SLC5A12: variants seen among roughly 807,000 people sequenced by gnomAD.
SLC5A12 encodes the protein sodium-coupled monocarboxylate transporter 2.
In SLC5A12, 46 loss-of-function variants were observed where a neutral mutation model predicts 72.7. The ratio of observed to expected loss-of-function variants is 0.63; its 90% CI spans 0.50 to 0.81. The LOEUF is 0.81. Ranked by LOEUF, SLC5A12 falls within the 30% of genes least tolerant of loss-of-function variation. SLC5A12 has a pLI of 0.00. For synonymous variants in SLC5A12, 275 were observed against 264.4 expected (o/e 1.04, Z -0.39); for missense variants, 683 against 740.7 (o/e 0.92, Z 0.90).
rs1468888162 is a variant in SLC5A12 at position 26,683,620 on chromosome 11, C to T, written c.1308+137G>A. 5 of 630,542 alleles carry T rather than the reference C, an allele frequency of 7.9e-6. No individual in the cohort carries two copies. The African/African-American group carries it at 9.2e-5, about 12-fold the overall frequency. 39.1% of individuals were successfully genotyped at this position (630,542 alleles called of 1,614,324 possible). On this transcript the variant is annotated intron_variant, in intron 11 of 14. Coordinates refer to ENST00000396005, the MANE Select transcript of SLC5A12 (RefSeq NM_178498.4). ...CACTGAAGTCAGAGACAGGTAGACT[C>T]AAGCTCTGTTTAATTCTGCTGTGGA...
At chr11:26,678,193 AT>A (rs1854308156) in intron 13 of SLC5A12, among the ~76,000 whole-genome samples, 1 of 152,182 alleles carries the variant, frequency 6.6e-6, no homozygotes. Flanking sequence ...TAAGATGGTG[AT>A]GACAAAAATC....
intron 3 of SLC5A12, among the ~76,000 whole-genome samples, chr11:26,710,660 T>TA (rs1257874211): frequency 6.6e-6 from 1 of 152,040 alleles, no homozygotes; most frequent in Non-Finnish European, 1.5e-5. Flanking sequence ...TTATATATCA[T>TA]AAAATCAGAT....
intron 11 of SLC5A12, 119 bp from the exon 12 acceptor site, chr11:26,681,340 A>G (rs1010229331): frequency 3.5e-5 from 28 of 803,232 alleles, no homozygotes; most frequent in Non-Finnish European, 4.7e-5. Context: ...TCTTGGCCAC[A>G]TATTTCAGAA....
At chr11:26,686,735 G>A (rs1007602677) in intron 9 of SLC5A12, among the ~76,000 whole-genome samples, 191 bp from the exon 10 acceptor site, 1 of 152,128 alleles carries the variant, frequency 6.6e-6, no homozygotes, top group East Asian at 1.9e-4. Context: ...CCAAGGAAAA[G>A]TTTCAATGAC....
In SLC5A12 at chr11:26,688,384, C is replaced by G. The variant is rs373914362; in HGVS notation, c.1154-1840G>C. Reference sequence around the variant, plus strand: ...TATCTGCCAGAAATCGGGAATTATACTGGCAGCAGTGCCCATCTACTTGCT... The same window carrying G: ...TATCTGCCAGAAATCGGGAATTATAGTGGCAGCAGTGCCCATCTACTTGCT... On this transcript the variant is annotated intron_variant, in intron 9 of 14. Coordinates refer to ENST00000396005, the MANE Select transcript of SLC5A12 (RefSeq NM_178498.4). 3.3e-4 allele frequency among the ~76,000 whole-genome samples: 51 copies of G among 152,318 alleles called. No homozygotes were observed. In the East Asian group the frequency reaches 8.5e-3, roughly 25 times the overall value.
intron 12 of SLC5A12, 55 bp from the exon 13 acceptor site, chr11:26,678,870 T>G: frequency 8.5e-7 from 1 of 1,170,784 alleles, no homozygotes; most frequent in Non-Finnish European, 1.2e-6. Context: ...CCCACAGTGA[T>G]GTAGAGGACT....
At chr11:26,701,142 A>ACC (rs11412555) in intron 6 of SLC5A12, among the ~76,000 whole-genome samples, 90 of 151,710 alleles carry the variant, frequency 5.9e-4, no homozygotes, top group African/African-American at 2.1e-3. Flanking sequence ...GACAGATGGG[A>ACC]CCCCCCTCAC....
intron 13 of SLC5A12, among the ~76,000 whole-genome samples, chr11:26,677,471 T>C (rs1174410534): frequency 4.6e-5 from 7 of 152,180 alleles, no homozygotes; most frequent in African/African-American, 1.2e-4. Context: ...ATCTTGGTTG[T>C]CTTCTTAGTG....
At chr11:26,709,649 T>C (rs1307966735) in intron 3 of SLC5A12, among the ~76,000 whole-genome samples, 1 of 152,104 alleles carries the variant, frequency 6.6e-6, no homozygotes, top group African/African-American at 2.4e-5. Context: ...TTGATCCAAA[T>C]GTTTTGTTTT....
At chr11:26,679,809 T>C (rs775798798) in intron 12 of SLC5A12, among the ~76,000 whole-genome samples, 5 of 152,144 alleles carry the variant, frequency 3.3e-5, no homozygotes, top group Admixed American at 6.6e-5. Flanking sequence ...TTTTATTCCA[T>C]AAGCACATGA....
At chr11:26,705,925 TACACACACACACACAC>T (rs71047876) in intron 4 of SLC5A12, among the ~76,000 whole-genome samples, 17,552 of 129,676 alleles carry the variant, frequency 0.14, 1,526 homozygotes, top group African/African-American at 0.25. Flanking sequence ...TTCTCTGTCA[TACACACACACACACAC>T]ACACACACAC....
chr11:26,704,711 C>T (rs1460160293), intron 4 of SLC5A12, among the ~76,000 whole-genome samples: 1 of 152,068 alleles, frequency 6.6e-6, no homozygotes, highest in South Asian at 2.1e-4. Context: ...AGTGGATGGA[C>T]TGTTTTGGAG....
At chr11:26,709,030 C>A (rs1855156972) in intron 4 of SLC5A12, 1 of 281,172 alleles carries the variant, frequency 3.6e-6, no homozygotes, top group Admixed American at 4.7e-5. Context: ...TAGCATAGGG[C>A]CACCTATTCT....
At chr11:26,716,080 A>G (rs2133221151) in intron 1 of SLC5A12, among the ~76,000 whole-genome samples, 1 of 152,366 alleles carries the variant, frequency 6.6e-6, no homozygotes, top group East Asian at 1.9e-4. Context: ...ATGTAGCATT[A>G]GCTTTGGTAC....
chr11:26,701,350 A>T (rs868591320), intron 6 of SLC5A12, among the ~76,000 whole-genome samples: 5 of 152,110 alleles, frequency 3.3e-5, no homozygotes, highest in African/African-American at 1.2e-4. Flanking sequence ...TAATCCCTTC[A>T]TGGGAGTTGG....
chr11:26,719,064 G>C (rs1216576105), intron 1 of SLC5A12, among the ~76,000 whole-genome samples: 1 of 152,140 alleles, frequency 6.6e-6, no homozygotes, highest in East Asian at 1.9e-4. Flanking sequence ...AATTGGTTTA[G>C]TTGTTTTTGC....
intron 3 of SLC5A12, 84 bp downstream of exon 3, chr11:26,711,223 C>A: frequency 1.7e-6 from 2 of 1,145,520 alleles, no homozygotes; most frequent in South Asian, 1.3e-5. Context: ...ATCTCCCCAA[C>A]AAAGTATTTT....
chr11:26,680,125 G>A (rs1209529196), intron 12 of SLC5A12, among the ~76,000 whole-genome samples: 1 of 151,420 alleles, frequency 6.6e-6, no homozygotes, highest in East Asian at 1.9e-4. Context: ...GAATGAGCCA[G>A]TATGGGGAGA....
intron 14 of SLC5A12, among the ~76,000 whole-genome samples, chr11:26,672,644 C>T (rs535368262): frequency 1.2e-4 from 19 of 152,198 alleles, no homozygotes; most frequent in African/African-American, 4.6e-4. Flanking sequence ...TGGCATTCCC[C>T]GATTCCTCTG....
Sources: gnomAD v4.1 joint callset for allele counts (sites outside exome capture counted in the v4.1 genomes callset) on GRCh38, gnomAD v4.1.1 for gene constraint, MANE v1.5 for transcripts, NCBI Gene and HGNC (gene_info 2026-07-23, HGNC 2026-07-21) for gene names.